AKR1E2: variants seen among roughly 807,000 people sequenced by gnomAD.
AKR1E2 encodes the protein 1,5-anhydro-D-fructose reductase.
AKR1E2 carries 43 observed loss-of-function variants against 41.9 expected under a neutral mutation model. That is an observed-to-expected ratio of 1.03 (90% CI 0.80 to 1.32). The LOEUF is 1.32. AKR1E2 is among the 40% of genes most tolerant of loss of function. The probability of loss-of-function intolerance (pLI) is 0.00; values close to 1 mark genes in which losing one functional copy is unlikely to be tolerated. For missense variants in AKR1E2, 423 were observed against 396.5 expected, an observed-to-expected ratio of 1.07 and a Z score of -0.57; for synonymous variants, 121 against 138.9, an observed-to-expected ratio of 0.87 and a Z score of 0.91.
chr10:4,825,737 G>A (rs1324084658), upstream of AKR1E2, among the ~76,000 whole-genome samples: 3 of 152,162 alleles, frequency 2.0e-5, no homozygotes. Context: ...ACCCACTCCC[G>A]CGCACCCTGT....
At chr10:4,865,311 T>G in the AKR1E2 span, among the ~76,000 whole-genome samples, 1 of 152,210 alleles carries the variant, frequency 6.6e-6, no homozygotes, top group Non-Finnish European at 1.5e-5. Flanking sequence ...TAACAATTAT[T>G]GATTATAGTT....
At chr10:4,827,020 G>A (rs1832578675) in intron 1 of AKR1E2, among the ~76,000 whole-genome samples, 1 of 148,880 alleles carries the variant, frequency 6.7e-6, no homozygotes, top group Non-Finnish European at 1.5e-5. Flanking sequence ...ATGCTGCAGT[G>A]AGCTTTGATG....
At chr10:4,857,657 G>A in the AKR1E2 span, among the ~76,000 whole-genome samples, 2 of 151,906 alleles carry the variant, frequency 1.3e-5, no homozygotes, top group African/African-American at 2.4e-5. Flanking sequence ...ATATATACCC[G>A]CTATATGCCC....
At chr10:4,834,282 T>G (rs1410243490) in intron 3 of AKR1E2, among the ~76,000 whole-genome samples, 2 of 152,276 alleles carry the variant, frequency 1.3e-5, no homozygotes, top group African/African-American at 4.8e-5. Context: ...TGTTGGTTAC[T>G]GTTTTAGAGT....
At chr10:4,835,845 G>C (rs550916108) in intron 4 of AKR1E2, 36 bp downstream of exon 4, 5 of 1,610,054 alleles carry the variant, frequency 3.1e-6, no homozygotes, top group South Asian at 1.1e-5. Context: ...GCCTCATCCT[G>C]TGTGGGTCTC....
In AKR1E2 at chr10:4,833,422, A is replaced by T. The variant is rs1833136727; in HGVS notation, c.280A>T (p.Asn94Tyr). ...CRKSLKALKL[N>Y]YLDLYLIHWP... ...AAAGAGTCTCAAGGCCTTGAAGCTGAACTATTTGGACCTCTACCTCATACA... is the reference window on the plus strand; with the variant it reads ...AAAGAGTCTCAAGGCCTTGAAGCTGTACTATTTGGACCTCTACCTCATACA... The change falls in exon 3 of 10, where the codon AAC becomes TAC. Residue 94 changes from asparagine (N) to tyrosine (Y), a missense_variant. Transcript: ENST00000298375. The T allele has an allele frequency of 1.2e-6, 2 of 1,613,992 alleles. No homozygotes were observed. The highest frequency in any genetic ancestry group is 2.2e-5 in the South Asian group (2 of 91,082).
the AKR1E2 span, among the ~76,000 whole-genome samples, chr10:4,867,076 G>C: frequency 6.6e-6 from 1 of 152,198 alleles, no homozygotes; most frequent in Non-Finnish European, 1.5e-5. Context: ...GAGGTCTGCT[G>C]TGGGAAAGGG....
intron 4 of AKR1E2, 103 bp downstream of exon 4, chr10:4,835,912 AC>A (rs1375820358): frequency 6.8e-7 from 1 of 1,472,650 alleles, no homozygotes; most frequent in East Asian, 2.3e-5. Context: ...AAGGTTGTCT[AC>A]CTGAGATGTG....
downstream of AKR1E2, among the ~76,000 whole-genome samples, chr10:4,849,597 C>G (rs570600375): frequency 2.3e-4 from 35 of 152,256 alleles, no homozygotes; most frequent in African/African-American, 8.2e-4. Flanking sequence ...ATGGTGGTTA[C>G]CAGAGGCTGG....
At chr10:4,840,737 T>A (rs186283687) in intron 6 of AKR1E2, among the ~76,000 whole-genome samples, 73 of 152,296 alleles carry the variant, frequency 4.8e-4, no homozygotes, top group South Asian at 3.3e-3. Context: ...CTTTTTTTTT[T>A]AAATCTGGCA....
At chr10:4,826,756 C>G (rs1461435500) in intron 1 of AKR1E2, among the ~76,000 whole-genome samples, 2 of 152,160 alleles carry the variant, frequency 1.3e-5, no homozygotes, top group African/African-American at 2.4e-5. Context: ...CAGGGAACCT[C>G]GAAGCCTCCT....
downstream of AKR1E2, among the ~76,000 whole-genome samples, chr10:4,852,356 T>C (rs1371372562): frequency 6.6e-6 from 1 of 152,210 alleles, no homozygotes; most frequent in African/African-American, 2.4e-5. Context: ...GCTCCTTCTC[T>C]TGTCAAGATA....
intron 4 of AKR1E2, among the ~76,000 whole-genome samples, 157 bp downstream of exon 4, chr10:4,835,966 G>A (rs1245790096): frequency 6.6e-6 from 1 of 152,172 alleles, no homozygotes; most frequent in East Asian, 1.9e-4. Flanking sequence ...GAAGAACTCA[G>A]AGACCTCAGT....
intron 1 of AKR1E2, among the ~76,000 whole-genome samples, chr10:4,828,980 A>C (rs1352705536): frequency 6.6e-6 from 1 of 151,934 alleles, no homozygotes; most frequent in East Asian, 1.9e-4. Flanking sequence ...ACAAATGATC[A>C]TATCATCAGC....
chr10:4,841,374 T>C (rs1191474402), intron 6 of AKR1E2, among the ~76,000 whole-genome samples: 2 of 152,224 alleles, frequency 1.3e-5, no homozygotes, highest in Non-Finnish European at 2.9e-5. Flanking sequence ...AGTAGTATTT[T>C]GGGCGAACTT....
At chr10:4,839,589 C>T (rs2131542827) in intron 5 of AKR1E2, 140 bp from the exon 6 acceptor site, 1 of 729,682 alleles carries the variant, frequency 1.4e-6, no homozygotes, top group East Asian at 2.8e-5. Flanking sequence ...CCAGACTCCT[C>T]ACAACAGAAA....
At chr10:4,849,584 A>G (rs1834483408), downstream of AKR1E2, among the ~76,000 whole-genome samples, 1 of 152,246 alleles carries the variant, frequency 6.6e-6, no homozygotes, top group South Asian at 2.1e-4. Flanking sequence ...AGTAGAGAGT[A>G]GAATGGTGGT....
At chr10:4,835,455 G>A (rs2131522857) in intron 3 of AKR1E2, among the ~76,000 whole-genome samples, 1 of 152,294 alleles carries the variant, frequency 6.6e-6, no homozygotes, top group Middle Eastern at 3.4e-3. Flanking sequence ...CATCTTGTGA[G>A]AGATGAACAG....
intron 1 of AKR1E2, among the ~76,000 whole-genome samples, chr10:4,829,589 T>TC (rs568311848): frequency 5.5e-4 from 84 of 151,860 alleles, no homozygotes; most frequent in African/African-American, 1.9e-3. Context: ...GGTGGTTTTC[T>TC]CTTTTTTTTG....
Sources: allele counts gnomAD v4.1 joint callset (sites outside exome capture counted in the v4.1 genomes callset), GRCh38; gene constraint gnomAD v4.1.1; transcripts MANE v1.5; gene names NCBI Gene and HGNC (gene_info 2026-07-23, HGNC 2026-07-21).